Variants in KCTD8 observed in about 807,000 individuals in gnomAD.
The protein encoded by KCTD8 is BTB/POZ domain-containing protein KCTD8.
A neutral mutation model predicts 31.5 loss-of-function variants in KCTD8; 27 were observed. The ratio of observed to expected loss-of-function variants is 0.86; its 90% CI spans 0.63 to 1.18. The LOEUF (loss-of-function observed/expected upper bound fraction) is 1.18. Ranked by LOEUF, KCTD8 falls within the 50% of genes most tolerant of loss-of-function variation. The pLI is 0.00. For missense variants in KCTD8, 658 were observed against 647.7 expected (o/e 1.02, Z -0.17); for synonymous variants, 290 against 280.0 (o/e 1.04, Z -0.36).
intron 1 of KCTD8, among the ~76,000 whole-genome samples, chr4:44,326,032 C>G (rs933513124): frequency 6.6e-6 from 1 of 151,914 alleles, no homozygotes; most frequent in East Asian, 1.9e-4. Context: ...TGCAAATGTC[C>G]AGATCAGAAA....
At chr4:44,296,907 T>C (rs1363276929) in intron 1 of KCTD8, among the ~76,000 whole-genome samples, 1 of 152,062 alleles carries the variant, frequency 6.6e-6, no homozygotes, top group Non-Finnish European at 1.5e-5. Context: ...AGGTCTAATC[T>C]GAAACACTCC....
chr4:44,182,310 C>T (rs756394284), intron 1 of KCTD8, among the ~76,000 whole-genome samples: 47 of 152,282 alleles, frequency 3.1e-4, no homozygotes, highest in African/African-American at 7.2e-4. Flanking sequence ...TCATTGAGAA[C>T]GGGCCATGAT....
chr4:44,365,725 A>G (rs1198327795), intron 1 of KCTD8, among the ~76,000 whole-genome samples: 4 of 152,194 alleles, frequency 2.6e-5, no homozygotes, highest in Non-Finnish European at 4.4e-5. Flanking sequence ...CTGTATTGAA[A>G]TTTTAAATGT....
chr4:44,303,568 T>C (rs1209379934), intron 1 of KCTD8, among the ~76,000 whole-genome samples: 1 of 151,986 alleles, frequency 6.6e-6, no homozygotes, highest in East Asian at 1.9e-4. Context: ...GTAATCCCAG[T>C]ACTTTGGGAG....
intron 1 of KCTD8, among the ~76,000 whole-genome samples, chr4:44,404,540 C>A (rs909579922): frequency 6.6e-6 from 1 of 152,036 alleles, no homozygotes; most frequent in African/African-American, 2.4e-5. Flanking sequence ...ACTACATAAA[C>A]CCTGTATAGA....
At chr4:44,270,181 C>T (rs1346020838) in intron 1 of KCTD8, among the ~76,000 whole-genome samples, 1 of 151,914 alleles carries the variant, frequency 6.6e-6, no homozygotes, top group African/African-American at 2.4e-5. Flanking sequence ...GAAAATGTGG[C>T]ACATATACAC....
chr4:44,331,690 T>C (rs1212321243), intron 1 of KCTD8, among the ~76,000 whole-genome samples: 3 of 150,044 alleles, frequency 2.0e-5, no homozygotes, highest in South Asian at 2.1e-4. Context: ...TATATACATA[T>C]ATGGAAATAT....
chr4:44,175,165 C>T lies in KCTD8; in HGVS notation c.1047G>A (p.Gly349=), dbSNP rs1713170820. ...DKVTDKGSES[G]TSCNELSTSS... ...AAGTGGAGAGCTCATTACAGGAAGTCCCACTTTCACTTCCTTTATCAGTGA... is the reference window on the plus strand; with the variant it reads ...AAGTGGAGAGCTCATTACAGGAAGTTCCACTTTCACTTCCTTTATCAGTGA... Residue 349 remains glycine, a synonymous_variant, in exon 2 of 2, where the codon GGG becomes GGA. Transcript: ENST00000360029. 1 of 1,613,076 alleles carries T rather than the reference C, an allele frequency of 6.2e-7. No individual in the cohort carries two copies. Among genetic ancestry groups the T allele is most frequent in the Non-Finnish European group, 8.5e-7 (1 of 1,179,516 alleles).
chr4:44,448,800 G>T lies in KCTD8; in HGVS notation c.-277C>A. On this transcript the variant is annotated 5_prime_UTR_variant, in exon 1 of 2. Transcript: ENST00000360029. The surrounding 1 kb of genome is among the most constrained non-coding windows in gnomAD (Gnocchi z 4.1). Reference sequence around the variant, plus strand: ...GCTGCTGCTCCTTTGGGGCGAGGGCGGGGAAGTGTGAGAGAGACTTGCGAG... The same window carrying T: ...GCTGCTGCTCCTTTGGGGCGAGGGCTGGGAAGTGTGAGAGAGACTTGCGAG... 3.1e-6 allele frequency: 1 copy of T among 324,546 alleles called. No homozygotes were observed. The highest frequency in any genetic ancestry group is 5.6e-6 in the Non-Finnish European group (1 of 179,900). 20.1% of individuals were successfully genotyped at this position (324,546 alleles called of 1,614,324 possible).
intron 1 of KCTD8, among the ~76,000 whole-genome samples, chr4:44,369,807 TA>T (rs1719736978): frequency 6.8e-6 from 1 of 147,974 alleles, no homozygotes; most frequent in Non-Finnish European, 1.5e-5. Flanking sequence ...CTCAAAAATA[TA>T]AAAATAAAAA....
intron 1 of KCTD8, among the ~76,000 whole-genome samples, chr4:44,312,204 G>A (rs913001607): frequency 3.9e-5 from 6 of 151,994 alleles, no homozygotes; most frequent in African/African-American, 9.7e-5. Context: ...TGAGAGTGGC[G>A]GGAGTGTTTT....
chr4:44,424,277 G>A, intron 1 of KCTD8, among the ~76,000 whole-genome samples: 1 of 151,970 alleles, frequency 6.6e-6, no homozygotes, highest in Non-Finnish European at 1.5e-5. Context: ...TCAGCAGTCT[G>A]GCCATTTAGC....
chr4:44,185,778 G>T, intron 1 of KCTD8, among the ~76,000 whole-genome samples: 1 of 149,304 alleles, frequency 6.7e-6, no homozygotes. Context: ...ATAGTTGTTT[G>T]TTTTAATCCA....
chr4:44,448,383 C>T lies in KCTD8; in HGVS notation c.141G>A (p.Glu47=), dbSNP rs1722011130. The change falls in exon 1 of 2, where the codon GAG becomes GAA. Residue 47 remains glutamate (E), a synonymous_variant. Transcript: ENST00000360029. The surrounding 1 kb of genome is among the most constrained non-coding windows in gnomAD (Gnocchi z 4.1). The part of the protein sequence containing the change: ...CAPSPFPEVV[E]LNVGGQVYVT... ...CATAAACCTGGCCGCCTACGTTCAG[C>T]TCCACTACTTCAGGGAAGGGCGAGG... 6.3e-7 allele frequency: 1 copy of T among 1,591,000 alleles called. No homozygotes were observed. Among genetic ancestry groups the T allele is most frequent in the African/African-American group, 1.4e-5 (1 of 73,772 alleles).
intron 1 of KCTD8, among the ~76,000 whole-genome samples, chr4:44,235,525 TTATATA>T (rs752341720): frequency 2.0e-3 from 112 of 55,040 alleles, no homozygotes; most frequent in South Asian, 3.2e-3. Flanking sequence ...AGACACTGGA[TTATATA>T]TATATATATA....
At chr4:44,192,080 C>T (rs1341971978) in intron 1 of KCTD8, among the ~76,000 whole-genome samples, 1 of 152,180 alleles carries the variant, frequency 6.6e-6, no homozygotes, top group Non-Finnish European at 1.5e-5. Flanking sequence ...ATTTCTCAGA[C>T]TGGCCGACAC....
intron 1 of KCTD8, among the ~76,000 whole-genome samples, chr4:44,385,456 A>C (rs1421410830): frequency 6.6e-6 from 1 of 151,774 alleles, no homozygotes; most frequent in African/African-American, 2.4e-5. Context: ...TGGGGAATGC[A>C]AAGTGTTTTC....
At chr4:44,247,280 G>A (rs1401807013) in intron 1 of KCTD8, among the ~76,000 whole-genome samples, 1 of 151,842 alleles carries the variant, frequency 6.6e-6, no homozygotes. Flanking sequence ...AAGCATCTTA[G>A]AACCATTTTT....
chr4:44,438,947 T>G (rs754942572), intron 1 of KCTD8, among the ~76,000 whole-genome samples: 6 of 152,214 alleles, frequency 3.9e-5, no homozygotes, highest in Non-Finnish European at 8.8e-5. Context: ...TCTCTCACTT[T>G]CCCTTCAGGA....
Sources: allele counts gnomAD v4.1 joint callset (sites outside exome capture counted in the v4.1 genomes callset), GRCh38; gene constraint gnomAD v4.1.1; non-coding constraint Gnocchi (gnomAD v3.1); transcripts MANE v1.5; gene names NCBI Gene and HGNC (gene_info 2026-07-23, HGNC 2026-07-21).